The following GAPVD1 variants were observed in gnomAD, a reference collection of about 807,000 sequenced individuals.
GAPVD1 encodes GTPase-activating protein and VPS9 domain-containing protein 1.
Under a neutral mutation model 155.5 loss-of-function variants are expected in GAPVD1, and 35 were observed. The observed-to-expected ratio is 0.23, with a 90% CI of 0.17 to 0.30. The LOEUF (loss-of-function observed/expected upper bound fraction) is 0.30, where lower values mean the gene tolerates loss of function less well. GAPVD1 is among the 10% of genes least tolerant of loss of function. GAPVD1 has a pLI of 1.00. For synonymous variants in GAPVD1, 636 were observed against 619.7 expected (o/e 1.03, Z -0.39); for missense variants, 1,429 against 1,775.7 (o/e 0.80, Z 3.51).
At chr9:125,341,956 G>A in intron 18 of GAPVD1, 1 of 318,212 alleles carries the variant, frequency 3.1e-6, no homozygotes, top group Non-Finnish European at 5.8e-6. Context: ...TTGAGCAGAG[G>A]TTAAGAGTCA....
chr9:125,349,321 A>C, intron 20 of GAPVD1, 69 bp from the exon 21 acceptor site: 1 of 1,343,962 alleles, frequency 7.4e-7, no homozygotes, highest in Non-Finnish European at 1.1e-6. Context: ...GTTGCTCTGA[A>C]TACCTACTAG....
chr9:125,292,028 G>A (rs960216862), intron 2 of GAPVD1, among the ~76,000 whole-genome samples: 15 of 152,070 alleles, frequency 9.9e-5, no homozygotes, highest in African/African-American at 3.4e-4. Context: ...GATTGCTTGA[G>A]CCCAAGAGTT....
chr9:125,326,065 G>A (rs139130115), intron 11 of GAPVD1, among the ~76,000 whole-genome samples: 3 of 152,210 alleles, frequency 2.0e-5, no homozygotes, highest in East Asian at 1.9e-4. Context: ...GATTTGGTAC[G>A]ATCCGAAGCT....
At chr9:125,304,904 A>AT (rs1346094562) in intron 5 of GAPVD1, among the ~76,000 whole-genome samples, 159 bp from the exon 6 acceptor site, 2 of 152,194 alleles carry the variant, frequency 1.3e-5, no homozygotes, top group East Asian at 3.8e-4. Context: ...TAAGGTACAC[A>AT]TTTTTTGGGG....
chr9:125,297,350 T>A (rs1458161507), intron 3 of GAPVD1, among the ~76,000 whole-genome samples: 1 of 152,172 alleles, frequency 6.6e-6, no homozygotes, highest in Non-Finnish European at 1.5e-5. Flanking sequence ...GGTAGATATC[T>A]GTAATATAAT....
Position 125,307,737 on chromosome 9 carries a change from A to T in GAPVD1, c.1298A>T (p.Asp433Val). The change falls in exon 8 of 28, where the codon GAT becomes GTT. Residue 433 changes from aspartate (D) to valine (V), a missense_variant. By Grantham distance (152) the Asp-to-Val change is radical. This residue lies in a region of GAPVD1 where 628 missense variants were observed against 733.4 expected (regional missense o/e 0.86). Coordinates refer to ENST00000297933, the MANE Select transcript of GAPVD1 (RefSeq NM_001282680.3). Reference sequence around the variant, plus strand: ...ATGTCTGGAGATCAACTGAGAGAAGATAGAATGGCTCTTGACAATTTATTG... The same window carrying T: ...ATGTCTGGAGATCAACTGAGAGAAGTTAGAATGGCTCTTGACAATTTATTG... ...SVMSGDQLRE[D>V]RMALDNLLAN... 6.2e-7 allele frequency: 1 copy of T among 1,614,146 alleles called. No homozygotes were observed. Among genetic ancestry groups the T allele is most frequent in the Non-Finnish European group, 8.5e-7 (1 of 1,179,986 alleles).
At chr9:125,356,798 A>G (rs1336860392) in intron 25 of GAPVD1, among the ~76,000 whole-genome samples, 1 of 152,116 alleles carries the variant, frequency 6.6e-6, no homozygotes, top group Non-Finnish European at 1.5e-5. Flanking sequence ...CAGCCTCCCA[A>G]GCAGCTGAGA....
intron 15 of GAPVD1, chr9:125,336,771 A>G (rs576413879): frequency 4.3e-6 from 2 of 469,468 alleles, no homozygotes; most frequent in Admixed American, 3.9e-5. Flanking sequence ...GCATTTGGCC[A>G]TTAGAAGTAA....
chr9:125,312,473 C>A lies in GAPVD1; in HGVS notation c.1463C>A (p.Thr488Asn), dbSNP rs1383509912. ...TTAGCAACTCGGAGCAGAAGCCGCA[C>A]CAATATGCTAATGGACCTACATATG... ...LPIATRSRSRTNMLMDLHMDH... is the reference protein window; with the variant it reads ...LPIATRSRSRNNMLMDLHMDH... The change falls in exon 9 of 28, where the codon ACC (threonine) becomes AAC (asparagine). Residue 488 changes from threonine to asparagine, a missense_variant. Coordinates refer to ENST00000297933, the MANE Select transcript of GAPVD1 (RefSeq NM_001282680.3). 19 of 1,591,116 alleles carry A rather than the reference C, an allele frequency of 1.2e-5. No individual in the cohort carries two copies. The highest frequency in any genetic ancestry group is 2.2e-5 in the East Asian group (1 of 44,492).
intron 9 of GAPVD1, among the ~76,000 whole-genome samples, chr9:125,316,723 A>G (rs1027194881): frequency 6.6e-6 from 1 of 152,230 alleles, no homozygotes. Context: ...TCTTTATAGT[A>G]GAATGATTTA....
chr9:125,279,012 G>A (rs1836278837), intron 2 of GAPVD1, among the ~76,000 whole-genome samples: 1 of 152,092 alleles, frequency 6.6e-6, no homozygotes, highest in African/African-American at 2.4e-5. Context: ...AGGAGTTTGA[G>A]ACCAGCCTGG....
intron 1 of GAPVD1, among the ~76,000 whole-genome samples, chr9:125,268,101 T>A (rs1469131493): frequency 6.6e-6 from 1 of 151,220 alleles, no homozygotes; most frequent in Non-Finnish European, 1.5e-5. Flanking sequence ...GAGGCTGGGG[T>A]TGTAGTGAGC....
chr9:125,272,426 T>C (rs541802581), intron 2 of GAPVD1, among the ~76,000 whole-genome samples: 1 of 152,300 alleles, frequency 6.6e-6, no homozygotes, highest in African/African-American at 2.4e-5. Context: ...CCTTTTAATA[T>C]CTAACTATTG....
intron 2 of GAPVD1, among the ~76,000 whole-genome samples, chr9:125,294,149 G>A (rs146284959): frequency 0.021 from 3,153 of 151,102 alleles, 82 homozygotes; most frequent in African/African-American, 0.07. Context: ...CTCGTGATCC[G>A]CCCACCTCGG....
chr9:125,318,576 G>A (rs866163482), intron 9 of GAPVD1, among the ~76,000 whole-genome samples: 2 of 152,036 alleles, frequency 1.3e-5, no homozygotes, highest in African/African-American at 4.8e-5. Context: ...TGATGTTTTA[G>A]TTTCACATCA....
chr9:125,321,340 A>G, intron 9 of GAPVD1, 93 bp from the exon 10 acceptor site: 3 of 821,392 alleles, frequency 3.7e-6, no homozygotes, highest in Admixed American at 2.3e-5. Flanking sequence ...TTGATAATTT[A>G]AGATTAAGGA....
chr9:125,350,239 T>C, intron 21 of GAPVD1, 56 bp from the exon 22 acceptor site: 1 of 1,013,122 alleles, frequency 9.9e-7, no homozygotes, highest in Admixed American at 2.4e-5. Flanking sequence ...TAAATATTTG[T>C]AAAATGTGAC....
chr9:125,301,454 CT>C (rs954673019), intron 4 of GAPVD1, among the ~76,000 whole-genome samples: 58 of 146,558 alleles, frequency 4.0e-4, no homozygotes, highest in Admixed American at 6.2e-4. Context: ...TTCTTTCTTT[CT>C]TTTTTTTTTT....
In GAPVD1 at chr9:125,347,492, G is replaced by A. The variant is rs375516195; in HGVS notation, c.3169+551G>A. Among the ~76,000 whole-genome samples, 262 of 152,254 alleles carry A rather than the reference G, an allele frequency of 1.7e-3. 1 individual carries two copies. The highest frequency in any genetic ancestry group is 5.9e-3 in the African/African-American group (245 of 41,540). ...TGTAATCCCAGCACTTTGGGGGGCC[G>A]AGGTGGGCAGATCACTTGAGGCCAG... On this transcript the variant is annotated intron_variant, in intron 20 of 27. Transcript: ENST00000297933.
Sources: gnomAD v4.1 joint callset for allele counts (sites outside exome capture counted in the v4.1 genomes callset) on GRCh38, gnomAD v4.1.1 for gene constraint, gnomAD v4.1.1 regional missense constraint, MANE v1.5 for transcripts, NCBI Gene and HGNC (gene_info 2026-07-23, HGNC 2026-07-21) for gene names.